EGFR: variants seen among roughly 807,000 people sequenced by gnomAD.
EGFR encodes epidermal growth factor receptor, also known as avian erythroblastic leukemia viral (v-erb-b) oncogene homolog.
EGFR carries 58 observed loss-of-function variants against 143.0 expected under a neutral mutation model. That is an observed-to-expected ratio of 0.41 (90% CI 0.33 to 0.50). The LOEUF (loss-of-function observed/expected upper bound fraction) is 0.50. EGFR is among the 20% of genes least tolerant of loss of function. The pLI, the probability that EGFR is intolerant of heterozygous loss-of-function variation, is 0.39. For synonymous variants in EGFR, 613 were observed against 594.4 expected, an observed-to-expected ratio of 1.03 and a Z score of -0.45; for missense variants, 1,307 against 1,579.0, an observed-to-expected ratio of 0.83 and a Z score of 2.92.
At chr7:55,170,945 A>T (rs1786319256) in intron 15 of EGFR, 3 of 1,434,404 alleles carry the variant, frequency 2.1e-6, no homozygotes, top group Non-Finnish European at 2.7e-6. Context: ...CAATGCTAGA[A>T]CAACGCCTGT....
chr7:55,156,966 A>G (rs1056940946), intron 10 of EGFR, 134 bp downstream of exon 10: 3 of 1,531,554 alleles, frequency 2.0e-6, no homozygotes, highest in Non-Finnish European at 2.6e-6. Context: ...TGATGTTTTG[A>G]TATTTTTCAA....
chr7:55,029,444 C>T (rs1338493593), intron 1 of EGFR, among the ~76,000 whole-genome samples: 5 of 151,992 alleles, frequency 3.3e-5, no homozygotes, highest in Admixed American at 1.3e-4. Flanking sequence ...CCTTCTTTCT[C>T]TTCCTCGCTC....
chr7:55,177,585 A>G (rs1786653763), intron 19 of EGFR, among the ~76,000 whole-genome samples: 1 of 152,226 alleles, frequency 6.6e-6, no homozygotes, highest in African/African-American at 2.4e-5. Context: ...CCTCTCCTTA[A>G]GGAGTTCAAG....
At chr7:55,193,345 C>T (rs531638203) in intron 22 of EGFR, among the ~76,000 whole-genome samples, 12 of 152,164 alleles carry the variant, frequency 7.9e-5, no homozygotes, top group African/African-American at 2.7e-4. Context: ...CCTTGCTTCT[C>T]GCTCTCGGGA....
chr7:55,159,286 G>T (rs1785581565), intron 11 of EGFR, among the ~76,000 whole-genome samples: 1 of 152,132 alleles, frequency 6.6e-6, no homozygotes. Context: ...TTCAGGAGGG[G>T]CTAGTGGTTC....
chr7:55,055,662 G>T (rs113177724), intron 1 of EGFR, among the ~76,000 whole-genome samples: 1 of 151,342 alleles, frequency 6.6e-6, no homozygotes, highest in Non-Finnish European at 1.5e-5. Flanking sequence ...TTCCTCTCTC[G>T]AGGTCTCATC....
At chr7:55,187,416 C>G (rs1276881142) in intron 20 of EGFR, among the ~76,000 whole-genome samples, 1 of 152,156 alleles carries the variant, frequency 6.6e-6, no homozygotes, top group Non-Finnish European at 1.5e-5. Context: ...TCCAGGTGGC[C>G]TGGTTCCATG....
intron 1 of EGFR, among the ~76,000 whole-genome samples, chr7:55,139,698 C>T (rs1794349719): frequency 6.6e-6 from 1 of 152,128 alleles, no homozygotes; most frequent in African/African-American, 2.4e-5. Context: ...AGTTTCTTTG[C>T]AATTTTTTCC....
At chr7:55,063,879 G>A (rs17289148) in intron 1 of EGFR, among the ~76,000 whole-genome samples, 2,404 of 152,312 alleles carry the variant, frequency 0.016, 68 homozygotes, top group African/African-American at 0.054. Flanking sequence ...CCAGTGAAAT[G>A]AGTACAGTCA....
chr7:55,178,000 G>A (rs1259354595), intron 19 of EGFR, among the ~76,000 whole-genome samples: 1 of 152,216 alleles, frequency 6.6e-6, no homozygotes, highest in Non-Finnish European at 1.5e-5. Context: ...GGGTCTATCA[G>A]ATGTTAGTAG....
intron 22 of EGFR, among the ~76,000 whole-genome samples, chr7:55,194,670 G>T (rs1380398051): frequency 6.6e-6 from 1 of 152,196 alleles, no homozygotes; most frequent in Non-Finnish European, 1.5e-5. Flanking sequence ...GGCATAGCCT[G>T]TGTGTGCCAG....
At chr7:55,088,291 C>T (rs1790886680) in intron 1 of EGFR, among the ~76,000 whole-genome samples, 1 of 152,166 alleles carries the variant, frequency 6.6e-6, no homozygotes, top group African/African-American at 2.4e-5. Flanking sequence ...CCCCTTCGCA[C>T]AAAGAGCCCC....
At chr7:55,125,002 C>T (rs565188761) in intron 1 of EGFR, among the ~76,000 whole-genome samples, 3 of 152,350 alleles carry the variant, frequency 2.0e-5, no homozygotes, top group African/African-American at 4.8e-5. Flanking sequence ...CATACATGAG[C>T]GTCACCTGGG....
At chr7:55,125,115 A>G (rs1014323525) in intron 1 of EGFR, among the ~76,000 whole-genome samples, 1 of 152,270 alleles carries the variant, frequency 6.6e-6, no homozygotes, top group South Asian at 2.1e-4. Flanking sequence ...GCTGCAGATG[A>G]CACTCTCAGT....
chr7:55,036,271 T>TGGGGG (rs557551216), intron 1 of EGFR, among the ~76,000 whole-genome samples: 5 of 22,388 alleles, frequency 2.2e-4, no homozygotes, highest in Non-Finnish European at 4.3e-4. Context: ...TGTGTGTGTG[T>TGGGGG]GGGGGGGGGG....
chr7:55,142,776 T>A (rs1794534362), intron 2 of EGFR, among the ~76,000 whole-genome samples: 1 of 152,230 alleles, frequency 6.6e-6, no homozygotes. Context: ...CCTATTCCCT[T>A]AGTGTAAATA....
At chr7:55,193,079 G>A (rs774667866) in intron 22 of EGFR, among the ~76,000 whole-genome samples, 18 of 150,242 alleles carry the variant, frequency 1.2e-4, no homozygotes, top group East Asian at 2.0e-4. Flanking sequence ...AGGGTGGGGG[G>A]TATGGGAGGG....
intron 1 of EGFR, among the ~76,000 whole-genome samples, chr7:55,059,848 A>C (rs948109307): frequency 6.6e-6 from 1 of 152,170 alleles, no homozygotes; most frequent in East Asian, 1.9e-4. Flanking sequence ...CTTATAAGAA[A>C]GCAGTCATTC....
At chr7:55,172,829 G>GT (rs1786412463) in intron 16 of EGFR, 154 bp from the exon 17 acceptor site, 3 of 1,562,114 alleles carry the variant, frequency 1.9e-6, no homozygotes, top group Non-Finnish European at 1.7e-6. Context: ...TTAGAAGCCT[G>GT]TTTTTTCTCC....
Sources: gnomAD v4.1 joint callset for allele counts (sites outside exome capture counted in the v4.1 genomes callset) on GRCh38, gnomAD v4.1.1 for gene constraint, MANE v1.5 for transcripts, NCBI Gene and HGNC (gene_info 2026-07-23, HGNC 2026-07-21) for gene names.